MAP4K3: variants seen among roughly 807,000 people sequenced by gnomAD.
MAP4K3 encodes mitogen-activated protein kinase kinase kinase kinase 3.
In MAP4K3, 94 loss-of-function variants were observed where a neutral mutation model predicts 143.5. The ratio of observed to expected loss-of-function variants is 0.65; its 90% CI spans 0.55 to 0.78. The LOEUF (loss-of-function observed/expected upper bound fraction) is 0.78. Among genes scored for constraint, MAP4K3 ranks in the 30% least tolerant of loss-of-function variants. The pLI is 0.00. For missense variants in MAP4K3, 1,077 were observed against 1,068.1 expected, an observed-to-expected ratio of 1.01 and a Z score of -0.12; for synonymous variants, 416 against 347.2, an observed-to-expected ratio of 1.20 and a Z score of -2.20.
chr2:39,348,096 T>C (rs1665348970), intron 3 of MAP4K3, among the ~76,000 whole-genome samples: 1 of 152,124 alleles, frequency 6.6e-6, no homozygotes, highest in Non-Finnish European at 1.5e-5. Flanking sequence ...GTCTAGCTGC[T>C]CTATAATTAT....
At position 39,272,535 on chromosome 2, in the gene MAP4K3, G is replaced by T; in HGVS notation, c.1802C>A (p.Pro601His). 1.2e-6 allele frequency: 2 copies of T among 1,612,770 alleles called. No individual in the cohort carries two copies. Among genetic ancestry groups the T allele is most frequent in the South Asian group, 2.2e-5 (2 of 90,918 alleles). Residue 601 changes from proline (P) to histidine (H), a missense_variant, in exon 25 of 34, where the codon CCT becomes CAT. By Grantham distance (77) the Pro-to-His change is moderately conservative. Coordinates refer to ENST00000263881, the MANE Select transcript of MAP4K3 (RefSeq NM_003618.4). ...LHETSMEQLF[P>H]RRCTWLYVMN... is the part of the protein sequence containing the mutation. The stretch of plus-strand genomic sequence containing the variant: ...TACATACAACCATGTACACCTTCGA[G>T]GGAATAGCTGATTAAAAAAAGGCAC...
intron 1 of MAP4K3, among the ~76,000 whole-genome samples, chr2:39,422,111 G>A (rs1667564948): frequency 6.6e-6 from 1 of 151,466 alleles, no homozygotes; most frequent in African/African-American, 2.4e-5. Context: ...CTCAGCATGG[G>A]TGCTCAATAA....
chr2:39,374,235 A>C (rs750972235), intron 2 of MAP4K3, among the ~76,000 whole-genome samples: 7 of 152,172 alleles, frequency 4.6e-5, no homozygotes, highest in Non-Finnish European at 8.8e-5. Context: ...TACAAAAATT[A>C]GCCAGGCATG....
chr2:39,383,019 G>A (rs1256143567), intron 1 of MAP4K3, among the ~76,000 whole-genome samples: 3 of 152,246 alleles, frequency 2.0e-5, no homozygotes, highest in Admixed American at 6.5e-5. Flanking sequence ...GAGTGTACCA[G>A]GCCAGCCAAA....
At chr2:39,252,974 T>C (rs1192307922) in intron 32 of MAP4K3, among the ~76,000 whole-genome samples, 1 of 152,196 alleles carries the variant, frequency 6.6e-6, no homozygotes, top group Non-Finnish European at 1.5e-5. Context: ...TTTTTCCTTT[T>C]AGTTTTTAAA....
intron 1 of MAP4K3, among the ~76,000 whole-genome samples, chr2:39,384,903 GA>G (rs1251019101): frequency 6.6e-6 from 1 of 152,092 alleles, no homozygotes; most frequent in African/African-American, 2.4e-5. Flanking sequence ...AACTCCAATG[GA>G]AGTCATAATC....
intron 28 of MAP4K3, among the ~76,000 whole-genome samples, chr2:39,264,941 G>A (rs1680708247): frequency 6.6e-6 from 1 of 152,126 alleles, no homozygotes; most frequent in South Asian, 2.1e-4. Context: ...AGTACTTCCT[G>A]TTTCTGCCAT....
At chr2:39,332,844 A>G (rs769544766) in intron 7 of MAP4K3, among the ~76,000 whole-genome samples, 23 of 152,050 alleles carry the variant, frequency 1.5e-4, no homozygotes, top group Non-Finnish European at 2.5e-4. Flanking sequence ...CAAAATAGTT[A>G]TATCTATATT....
intron 3 of MAP4K3, among the ~76,000 whole-genome samples, chr2:39,353,579 T>C (rs951189642): frequency 6.6e-6 from 1 of 152,154 alleles, no homozygotes; most frequent in African/African-American, 2.4e-5. Flanking sequence ...TGAAGCAAAA[T>C]CATAAAATAA....
In MAP4K3 at chr2:39,272,504, G is replaced by A. The variant is rs754298607; in HGVS notation, c.1833C>T (p.Asn611=). 6.2e-7 allele frequency: 1 copy of A among 1,613,282 alleles called. No homozygotes were observed. The highest frequency in any genetic ancestry group is 1.1e-5 in the South Asian group (1 of 91,038). The change falls in exon 25 of 34, where the codon AAC becomes AAT. Residue 611 remains asparagine, a synonymous_variant. Coordinates refer to ENST00000263881, the MANE Select transcript of MAP4K3 (RefSeq NM_003618.4). ...TACCAGATATTGATAGCAAGCAATTGTTCATTACATACAACCATGTACACC... is the reference window on the plus strand; with the variant it reads ...TACCAGATATTGATAGCAAGCAATTATTCATTACATACAACCATGTACACC... ...PRRCTWLYVM[N]NCLLSISGKA... is the part of the protein sequence containing the mutation.
intron 28 of MAP4K3, among the ~76,000 whole-genome samples, chr2:39,261,438 T>C (rs1165244112): frequency 6.6e-6 from 1 of 152,136 alleles, no homozygotes; most frequent in Non-Finnish European, 1.5e-5. Flanking sequence ...CACAATGAGA[T>C]AAATACTATA....
intron 4 of MAP4K3, among the ~76,000 whole-genome samples, chr2:39,338,436 T>C (rs943284236): frequency 2.0e-5 from 3 of 152,210 alleles, no homozygotes; most frequent in Admixed American, 2.0e-4. Context: ...GTCTCTTCTT[T>C]ATCCAAAATG....
intron 1 of MAP4K3, among the ~76,000 whole-genome samples, chr2:39,405,551 A>G (rs1313167145): frequency 6.6e-6 from 1 of 152,196 alleles, no homozygotes; most frequent in African/African-American, 2.4e-5. Context: ...ATCCAAGGAA[A>G]CATGACCTCA....
rs1268819813 is a variant in MAP4K3 at position 39,355,771 on chromosome 2, G to A, written c.245+478C>T. Among the ~76,000 whole-genome samples the A allele has an allele frequency of 2.0e-5, 3 of 151,546 alleles. No homozygotes were observed. The Admixed American group carries it at 2.0e-4, about 10-fold the overall frequency. On this transcript the variant is annotated intron_variant, in intron 3 of 33. Coordinates refer to ENST00000263881, the MANE Select transcript of MAP4K3 (RefSeq NM_003618.4). ...ATTCACAGTCCTAAGTTCACTTTAGGACCTGGAAAAATAAGTTACTGAGAT... is the reference window on the plus strand; with the variant it reads ...ATTCACAGTCCTAAGTTCACTTTAGAACCTGGAAAAATAAGTTACTGAGAT...
In MAP4K3 at chr2:39,290,305, G is replaced by A. The variant is rs1681986559; in HGVS notation, c.1301C>T (p.Pro434Leu). The A allele has an allele frequency of 6.2e-7, 1 of 1,607,708 alleles. No individual in the cohort carries two copies. Among genetic ancestry groups the A allele is most frequent in the Middle Eastern group, 1.7e-4 (1 of 6,030 alleles). The change falls in exon 19 of 34, where the codon CCT becomes CTT. Residue 434 changes from proline to leucine, a missense_variant. Physicochemically the swap from Pro to Leu is moderately conservative, Grantham distance 98. Around this residue, in one of 2 missense-constraint regions of MAP4K3, gnomAD observed 864 missense variants for 801.2 expected, o/e 1.08. Transcript: ENST00000263881. ...AAATCTGTCTACCTTTGGTGGCAAA[G>A]GAGGTGGAATTTTTGCTTTCAGAGT... ...HSTLKAKIPP[P>L]LPPKPKSIFI...
At chr2:39,312,718 T>C (rs1010657329) in intron 13 of MAP4K3, among the ~76,000 whole-genome samples, 1 of 152,220 alleles carries the variant, frequency 6.6e-6, no homozygotes, top group Non-Finnish European at 1.5e-5. Flanking sequence ...TGTTCACAAT[T>C]GATCACACAT....
intron 3 of MAP4K3, among the ~76,000 whole-genome samples, chr2:39,350,416 C>A (rs995880413): frequency 5.3e-5 from 8 of 152,150 alleles, no homozygotes; most frequent in Admixed American, 6.5e-5. Context: ...GAACTCTGTA[C>A]TATTTGCAAC....
chr2:39,330,346 T>A (rs1683643156), intron 8 of MAP4K3, among the ~76,000 whole-genome samples: 3 of 152,214 alleles, frequency 2.0e-5, no homozygotes, highest in Middle Eastern at 3.4e-3. Context: ...CTTCAAAAAC[T>A]CTATCCTAGA....
chr2:39,280,591 AAG>A (rs1409340138), intron 22 of MAP4K3, among the ~76,000 whole-genome samples: 8 of 152,134 alleles, frequency 5.3e-5, no homozygotes, highest in Admixed American at 1.3e-4. Context: ...AGAAAAAAAA[AAG>A]GTCTTATTTT....
Sources: allele counts gnomAD v4.1 joint callset (sites outside exome capture counted in the v4.1 genomes callset), GRCh38; gene constraint gnomAD v4.1.1; regional missense constraint gnomAD v4.1.1; transcripts MANE v1.5; gene names NCBI Gene and HGNC (gene_info 2026-07-23, HGNC 2026-07-21).